RBFOX1: variants seen among roughly 807,000 people sequenced by gnomAD.
RBFOX1 encodes the protein RNA binding fox-1 homolog 1.
In RBFOX1, 8 loss-of-function variants were observed where a neutral mutation model predicts 57.7. The ratio of observed to expected loss-of-function variants is 0.14; its 90% CI spans 0.08 to 0.25. RBFOX1 has a LOEUF of 0.25. RBFOX1 is among the 10% of genes least tolerant of loss of function. The pLI is 1.00. For missense variants in RBFOX1, 611 were observed against 548.5 expected, an observed-to-expected ratio of 1.11 and a Z score of -1.14; for synonymous variants, 326 against 222.4, an observed-to-expected ratio of 1.47 and a Z score of -4.15.
At chr16:7,120,834 C>T (rs78284103) in intron 4 of RBFOX1, among the ~76,000 whole-genome samples, 1,483 of 87,400 alleles carry the variant, frequency 0.017, 15 homozygotes, top group Non-Finnish European at 0.026. Context: ...TATATATACA[C>T]ACACACACAC....
chr16:6,229,854 T>C (rs1015105927), intron 1 of RBFOX1, among the ~76,000 whole-genome samples: 2 of 152,172 alleles, frequency 1.3e-5, no homozygotes, highest in Non-Finnish European at 2.9e-5. Context: ...TTTGGACTTT[T>C]CTTTTGATAG....
chr16:6,964,832 G>C (rs2083757813), intron 3 of RBFOX1, among the ~76,000 whole-genome samples: 1 of 152,108 alleles, frequency 6.6e-6, no homozygotes, highest in Non-Finnish European at 1.5e-5. Context: ...AAAGAGCCTG[G>C]TTGAAATCCC....
At chr16:6,418,551 T>C (rs2093689698) in intron 2 of RBFOX1, among the ~76,000 whole-genome samples, 1 of 136,938 alleles carries the variant, frequency 7.3e-6, no homozygotes, top group Non-Finnish European at 1.5e-5. Flanking sequence ...TTTGACAGAG[T>C]CTGGCTCAGT....
Position 5,391,176 on chromosome 16 carries a change from G to T in RBFOX1, c.220-76040G>T, listed in dbSNP as rs555168446. 4.6e-5 allele frequency among the ~76,000 whole-genome samples: 7 copies of T among 152,314 alleles called. No homozygotes were observed. In the South Asian group the frequency reaches 1.4e-3, roughly 32 times the overall value. On this transcript the variant is annotated intron_variant, in intron 1 of 2. Transcript: ENST00000585867. Reference sequence around the variant, plus strand: ...GCATGAAGTCTTAAAGAAACTTGGGGCATTAGTTTACTTGCAGCTGTAAAA... The same window carrying T: ...GCATGAAGTCTTAAAGAAACTTGGGTCATTAGTTTACTTGCAGCTGTAAAA...
intron 2 of RBFOX1, among the ~76,000 whole-genome samples, chr16:6,508,817 A>G (rs934650250): frequency 1.4e-4 from 21 of 152,098 alleles, no homozygotes; most frequent in African/African-American, 4.3e-4. Flanking sequence ...GTTGATACAA[A>G]AGTAATCACG....
At chr16:7,622,769 T>A (rs978185887) in intron 10 of RBFOX1, among the ~76,000 whole-genome samples, 4 of 152,140 alleles carry the variant, frequency 2.6e-5, no homozygotes, top group Non-Finnish European at 5.9e-5. Context: ...TTATAAGAAG[T>A]AAACATACAG....
At chr16:7,332,793 T>C in intron 4 of RBFOX1, 1 of 1,399,208 alleles carries the variant, frequency 7.1e-7, no homozygotes, top group Admixed American at 2.9e-5. Flanking sequence ...GCTGTGTCTC[T>C]TCGTCGTCTG....
chr16:6,528,680 T>C (rs1299388389), intron 2 of RBFOX1, among the ~76,000 whole-genome samples: 1 of 152,144 alleles, frequency 6.6e-6, no homozygotes, highest in South Asian at 2.1e-4. Context: ...AGGCTTTGAG[T>C]AGGGCAGAGT....
At chr16:5,517,384 C>G (rs2043831257) in intron 2 of RBFOX1, among the ~76,000 whole-genome samples, 2 of 152,216 alleles carry the variant, frequency 1.3e-5, no homozygotes, top group South Asian at 2.1e-4. Context: ...CTCATCTACC[C>G]TTGTCCAGCC....
intron 4 of RBFOX1, among the ~76,000 whole-genome samples, chr16:7,058,757 G>A (rs907552491): frequency 2.6e-5 from 4 of 152,038 alleles, no homozygotes; most frequent in African/African-American, 7.2e-5. Flanking sequence ...GTTGATATTG[G>A]TTTTTCATTT....
intron 12 of RBFOX1, among the ~76,000 whole-genome samples, chr16:7,658,848 C>G (rs2066978563): frequency 6.6e-6 from 1 of 152,216 alleles, no homozygotes; most frequent in Non-Finnish European, 1.5e-5. Context: ...TCTTCAGCTT[C>G]CCAGGTAGCT....
At chr16:6,465,156 G>A (rs1462442111) in intron 2 of RBFOX1, among the ~76,000 whole-genome samples, 1 of 152,154 alleles carries the variant, frequency 6.6e-6, no homozygotes, top group Non-Finnish European at 1.5e-5. Flanking sequence ...TTGTTTCTGT[G>A]CGATCAGGTT....
chr16:6,108,403 G>A lies in RBFOX1; in HGVS notation c.-127+88411G>A, dbSNP rs544405775. Among the ~76,000 whole-genome samples the A allele has an allele frequency of 3.7e-4, 57 of 152,208 alleles. 2 individuals are homozygous for A. Among genetic ancestry groups the A allele is most frequent in the South Asian group, 2.7e-3 (13 of 4,816 alleles). The stretch of plus-strand genomic sequence containing the variant: ...CTTGTAAGGTGGTTGTGATATGAGG[G>A]TGAAAGAATGCAACATAGCTATGTG... On this transcript the variant is annotated intron_variant, in intron 1 of 15. Coordinates refer to ENST00000550418, the MANE Select transcript of RBFOX1 (RefSeq NM_018723.4).
chr16:7,296,205 G>T (rs2095884943), intron 4 of RBFOX1, among the ~76,000 whole-genome samples: 1 of 148,662 alleles, frequency 6.7e-6, no homozygotes, highest in South Asian at 2.1e-4. Flanking sequence ...AATTTTAATA[G>T]ACTTAAATTT....
chr16:7,225,130 G>C (rs772740436), intron 4 of RBFOX1, among the ~76,000 whole-genome samples: 8 of 152,060 alleles, frequency 5.3e-5, no homozygotes, highest in Admixed American at 1.3e-4. Context: ...TCATCATCAC[G>C]GTCATTGTCA....
At chr16:7,700,283 T>C (rs1320927467) in intron 14 of RBFOX1, among the ~76,000 whole-genome samples, 1 of 152,150 alleles carries the variant, frequency 6.6e-6, no homozygotes, top group African/African-American at 2.4e-5. Flanking sequence ...AGTCCTTAAC[T>C]AGTAATCATA....
At chr16:6,967,590 C>G (rs529579459) in intron 3 of RBFOX1, among the ~76,000 whole-genome samples, 2 of 152,126 alleles carry the variant, frequency 1.3e-5, no homozygotes, top group South Asian at 2.1e-4. Flanking sequence ...ATCAGCTTCT[C>G]TAGTTCACCC....
chr16:5,263,278 A>G (rs762639949), intron 1 of RBFOX1, among the ~76,000 whole-genome samples: 1 of 152,172 alleles, frequency 6.6e-6, no homozygotes, highest in East Asian at 1.9e-4. Context: ...TAACTGGTAC[A>G]AAAATAATTG....
chr16:7,163,464 C>CT (rs1484204244), intron 4 of RBFOX1, among the ~76,000 whole-genome samples: 11 of 151,998 alleles, frequency 7.2e-5, no homozygotes, highest in African/African-American at 2.7e-4. Context: ...GACTGACATC[C>CT]TTCACCCTCT....
Sources: allele counts gnomAD v4.1 joint callset (sites outside exome capture counted in the v4.1 genomes callset), GRCh38; gene constraint gnomAD v4.1.1; transcripts MANE v1.5; gene names NCBI Gene and HGNC (gene_info 2026-07-23, HGNC 2026-07-21).